THSD4: variants seen among roughly 807,000 people sequenced by gnomAD.
THSD4 encodes the protein thrombospondin type-1 domain-containing protein 4.
A neutral mutation model predicts 119.0 loss-of-function variants in THSD4; 69 were observed. The ratio of observed to expected loss-of-function variants is 0.58; its 90% CI spans 0.48 to 0.71. The LOEUF (loss-of-function observed/expected upper bound fraction) is 0.71. Ranked by LOEUF, THSD4 falls within the 30% of genes least tolerant of loss-of-function variation. The pLI, the probability that THSD4 is intolerant of heterozygous loss-of-function variation, is 0.00. For missense variants in THSD4, 1,393 were observed against 1,391.1 expected, an observed-to-expected ratio of 1.00 and a Z score of -0.02; for synonymous variants, 524 against 540.4, an observed-to-expected ratio of 0.97 and a Z score of 0.42.
chr15:71,468,973 G>C (rs549929804), intron 7 of THSD4, among the ~76,000 whole-genome samples: 1 of 152,326 alleles, frequency 6.6e-6, no homozygotes, highest in South Asian at 2.1e-4. Context: ...ATTCTGGGCA[G>C]GTATTTGCGT....
intron 12 of THSD4, among the ~76,000 whole-genome samples, chr15:71,745,934 T>C (rs750143481): frequency 2.0e-5 from 3 of 152,168 alleles, no homozygotes; most frequent in Non-Finnish European, 2.9e-5. Context: ...CGTGAGCCAC[T>C]GCGCCTGGCC....
chr15:71,170,452 A>C (rs2043346936), intron 3 of THSD4, among the ~76,000 whole-genome samples: 1 of 152,200 alleles, frequency 6.6e-6, no homozygotes, highest in Admixed American at 6.5e-5. Context: ...CATTGAATAG[A>C]ATACTCAGGA....
intron 7 of THSD4, among the ~76,000 whole-genome samples, chr15:71,482,889 T>G (rs1484274009): frequency 6.6e-6 from 1 of 152,160 alleles, no homozygotes; most frequent in East Asian, 1.9e-4. Flanking sequence ...GCCTGGCCTG[T>G]ACTGTAACTT....
intron 1 of THSD4, among the ~76,000 whole-genome samples, chr15:71,135,392 CAAA>C (rs1170278742): frequency 8.2e-6 from 1 of 122,520 alleles, no homozygotes; most frequent in Non-Finnish European, 1.7e-5. Flanking sequence ...TACTAAATGA[CAAA>C]AAAAAAAAAA....
chr15:71,334,390 G>A (rs2045466326), intron 6 of THSD4, among the ~76,000 whole-genome samples: 1 of 152,230 alleles, frequency 6.6e-6, no homozygotes, highest in South Asian at 2.1e-4. Context: ...CAGCTTTCTA[G>A]ATGAACAGGT....
At chr15:71,446,351 G>A (rs981210485) in intron 7 of THSD4, among the ~76,000 whole-genome samples, 1 of 152,156 alleles carries the variant, frequency 6.6e-6, no homozygotes, top group African/African-American at 2.4e-5. Flanking sequence ...GTGTCGTCTT[G>A]TAAAATAGGA....
At chr15:71,411,533 T>TTATTGAACTGTA (rs1296892334) in intron 6 of THSD4, among the ~76,000 whole-genome samples, 154 bp from the exon 7 acceptor site, 3 of 152,216 alleles carry the variant, frequency 2.0e-5, no homozygotes, top group Non-Finnish European at 4.4e-5. Context: ...ATACGAAGAC[T>TTATTGAACTGTA]TATTGAACTG....
intron 14 of THSD4, among the ~76,000 whole-genome samples, chr15:71,749,254 A>G (rs1248968344): frequency 6.6e-6 from 1 of 152,254 alleles, no homozygotes; most frequent in Non-Finnish European, 1.5e-5. Flanking sequence ...ATTCTACCAC[A>G]ATCAAAAATG....
At chr15:71,405,765 C>T (rs78336584) in intron 6 of THSD4, among the ~76,000 whole-genome samples, 2,468 of 152,302 alleles carry the variant, frequency 0.016, 77 homozygotes, top group African/African-American at 0.053. Context: ...GTTAAATCTT[C>T]AGATCCAAGA....
chr15:71,253,955 C>T (rs2044287048), intron 5 of THSD4, among the ~76,000 whole-genome samples: 1 of 152,146 alleles, frequency 6.6e-6, no homozygotes, highest in Non-Finnish European at 1.5e-5. Context: ...CTGAGCAATT[C>T]TAGATGATTC....
intron 7 of THSD4, among the ~76,000 whole-genome samples, chr15:71,476,488 C>G (rs1018050000): frequency 1.3e-5 from 2 of 152,268 alleles, no homozygotes; most frequent in South Asian, 2.1e-4. Flanking sequence ...GTGATCCACC[C>G]ACCTCGGCCT....
At chr15:71,475,365 C>G (rs1442639772) in intron 7 of THSD4, among the ~76,000 whole-genome samples, 1 of 152,076 alleles carries the variant, frequency 6.6e-6, no homozygotes, top group Non-Finnish European at 1.5e-5. Context: ...TTTTGTTGTC[C>G]CAATTTTCTA....
At chr15:71,463,368 C>T (rs2047452603) in intron 7 of THSD4, among the ~76,000 whole-genome samples, 1 of 152,198 alleles carries the variant, frequency 6.6e-6, no homozygotes, top group Admixed American at 6.5e-5. Context: ...GGTCACCTCC[C>T]TGCCCCCTTC....
intron 7 of THSD4, among the ~76,000 whole-genome samples, chr15:71,636,071 C>CT (rs1436658404): frequency 6.6e-6 from 1 of 152,158 alleles, no homozygotes; most frequent in African/African-American, 2.4e-5. Flanking sequence ...GAGTTTCATC[C>CT]AGATTCTGTC....
intron 6 of THSD4, among the ~76,000 whole-genome samples, chr15:71,362,082 G>A (rs1454741454): frequency 6.6e-6 from 1 of 152,154 alleles, no homozygotes; most frequent in Admixed American, 6.5e-5. Context: ...TTTGAGACCA[G>A]CCTGGCCAAC....
At chr15:71,241,996 C>T (rs2044157492) in intron 4 of THSD4, among the ~76,000 whole-genome samples, 2 of 152,062 alleles carry the variant, frequency 1.3e-5, no homozygotes, top group Admixed American at 1.3e-4. Flanking sequence ...GTGAAGATGG[C>T]CATTTACCCA....
At chr15:71,112,978 A>G (rs756129921), upstream of THSD4, among the ~76,000 whole-genome samples, 29 of 152,188 alleles carry the variant, frequency 1.9e-4, no homozygotes, top group Admixed American at 3.9e-4. Context: ...CAGGAGTTTG[A>G]GACCAGCCTG....
At chr15:71,677,949 C>A (rs1420691456) in intron 8 of THSD4, among the ~76,000 whole-genome samples, 1 of 152,218 alleles carries the variant, frequency 6.6e-6, no homozygotes, top group East Asian at 1.9e-4. Context: ...TGATTTGACA[C>A]CGCTATCCTT....
At chr15:71,742,173 C>T (rs1003783543) in intron 11 of THSD4, among the ~76,000 whole-genome samples, 1 of 152,216 alleles carries the variant, frequency 6.6e-6, no homozygotes, top group South Asian at 2.1e-4. Context: ...CTCCAGTCCT[C>T]CCTGGTGGAG....
Sources: allele counts gnomAD v4.1 joint callset (sites outside exome capture counted in the v4.1 genomes callset), GRCh38; gene constraint gnomAD v4.1.1; transcripts MANE v1.5; gene names NCBI Gene and HGNC (gene_info 2026-07-23, HGNC 2026-07-21).